The following SGCZ variants were observed in gnomAD, a reference collection of about 807,000 sequenced individuals.
SGCZ encodes the protein sarcoglycan zeta.
In SGCZ, 40 loss-of-function variants were observed where a neutral mutation model predicts 41.3. The observed-to-expected ratio is 0.97, with a 90% CI of 0.75 to 1.26. The LOEUF is 1.26. Ranked by LOEUF, SGCZ falls within the 50% of genes most tolerant of loss-of-function variation. The pLI is 0.00. For synonymous variants in SGCZ, 206 were observed against 137.5 expected (o/e 1.50, Z -3.49); for missense variants, 552 against 369.8 (o/e 1.49, Z -4.04).
chr8:14,775,525 A>G (rs1446445900), intron 1 of SGCZ, among the ~76,000 whole-genome samples: 1 of 151,586 alleles, frequency 6.6e-6, no homozygotes, highest in African/African-American at 2.4e-5. Flanking sequence ...AGAGATCATG[A>G]GGAAAGGTAT....
intron 1 of SGCZ, among the ~76,000 whole-genome samples, chr8:15,236,680 T>TA (rs199600753): frequency 0.018 from 2,802 of 151,540 alleles, 91 homozygotes; most frequent in African/African-American, 0.062. Context: ...AATATATATA[T>TA]TTTTTTTTCT....
At chr8:14,110,367 C>T (rs2117008567) in intron 5 of SGCZ, among the ~76,000 whole-genome samples, 1 of 152,142 alleles carries the variant, frequency 6.6e-6, no homozygotes, top group African/African-American at 2.4e-5. Context: ...GTAATATTTA[C>T]TTTCAAATAC....
intron 3 of SGCZ, among the ~76,000 whole-genome samples, chr8:14,298,690 C>G (rs111868654): frequency 7.2e-5 from 11 of 151,880 alleles, no homozygotes; most frequent in African/African-American, 2.7e-4. Context: ...TTATTGAAGC[C>G]TAATTACATG....
intron 2 of SGCZ, among the ~76,000 whole-genome samples, chr8:14,402,741 C>G (rs1005019125): frequency 2.7e-5 from 4 of 146,992 alleles, no homozygotes; most frequent in Admixed American, 1.3e-4. Context: ...CAGCTTTGTT[C>G]TTTTGGCTTA....
intron 4 of SGCZ, among the ~76,000 whole-genome samples, chr8:14,192,087 A>G (rs899255798): frequency 1.3e-5 from 2 of 152,270 alleles, no homozygotes; most frequent in East Asian, 3.9e-4. Flanking sequence ...TGTATTTAAA[A>G]TCAAAGCACA....
intron 1 of SGCZ, among the ~76,000 whole-genome samples, chr8:15,196,506 C>A (rs1800735820): frequency 6.6e-6 from 1 of 152,110 alleles, no homozygotes; most frequent in African/African-American, 2.4e-5. Context: ...TATTATACTC[C>A]ATTAGGTTAA....
At chr8:14,870,130 A>G (rs891244625) in intron 1 of SGCZ, among the ~76,000 whole-genome samples, 2 of 152,166 alleles carry the variant, frequency 1.3e-5, no homozygotes, top group Non-Finnish European at 2.9e-5. Context: ...AAACAATCCT[A>G]AGGAAAAAAG....
At chr8:14,977,578 A>C (rs1313083990) in intron 1 of SGCZ, among the ~76,000 whole-genome samples, 2 of 152,124 alleles carry the variant, frequency 1.3e-5, no homozygotes, top group Admixed American at 6.6e-5. Flanking sequence ...AATCACCTTA[A>C]TCCTAGTAAC....
chr8:14,151,482 G>C (rs1010277950), intron 5 of SGCZ, among the ~76,000 whole-genome samples: 4 of 151,908 alleles, frequency 2.6e-5, no homozygotes, highest in Admixed American at 6.6e-5. Flanking sequence ...TTATAGATCA[G>C]AGGATTCAAT....
chr8:14,473,898 A>G (rs1392928192), intron 2 of SGCZ, among the ~76,000 whole-genome samples: 1 of 151,128 alleles, frequency 6.6e-6, no homozygotes, highest in African/African-American at 2.4e-5. Flanking sequence ...AGATCACACC[A>G]CTGCACTCCA....
intron 2 of SGCZ, among the ~76,000 whole-genome samples, chr8:14,425,381 G>A (rs1799751097): frequency 6.6e-6 from 1 of 152,106 alleles, no homozygotes; most frequent in Admixed American, 6.5e-5. Flanking sequence ...AGCACTTTGG[G>A]AGGCCGAGGC....
intron 1 of SGCZ, among the ~76,000 whole-genome samples, chr8:14,558,584 G>GAGAGAGAGAGAGAGAGAC (rs1804106209): frequency 7.0e-6 from 1 of 142,572 alleles, no homozygotes; most frequent in East Asian, 2.4e-4. Flanking sequence ...TAGAGAGAGA[G>GAGAGAGAGAGAGAGAGAC]AGAGAGAGAG....
chr8:14,578,951 G>T (rs995257865), intron 1 of SGCZ, among the ~76,000 whole-genome samples: 16 of 151,986 alleles, frequency 1.1e-4, no homozygotes, highest in Admixed American at 1.3e-4. Flanking sequence ...TTTACTTTAG[G>T]ATCTAGGAAG....
chr8:15,048,274 T>G (rs1434611493), intron 1 of SGCZ, among the ~76,000 whole-genome samples: 2 of 151,798 alleles, frequency 1.3e-5, no homozygotes, highest in Admixed American at 6.6e-5. Flanking sequence ...GGGAGCTAGA[T>G]AAGTGGATCC....
chr8:14,604,453 A>C (rs1383905353), intron 1 of SGCZ, among the ~76,000 whole-genome samples: 2 of 152,158 alleles, frequency 1.3e-5, no homozygotes, highest in Admixed American at 6.5e-5. Context: ...AGAGCTTGAA[A>C]TATGTATTCA....
intron 1 of SGCZ, among the ~76,000 whole-genome samples, chr8:14,702,968 G>T (rs946716336): frequency 8.0e-5 from 9 of 112,396 alleles, no homozygotes; most frequent in Non-Finnish European, 1.3e-4. Context: ...TAGATAGATA[G>T]ATAGACAGAC....
At chr8:14,230,108 A>G (rs1472776512) in intron 4 of SGCZ, among the ~76,000 whole-genome samples, 4 of 152,124 alleles carry the variant, frequency 2.6e-5, no homozygotes, top group Admixed American at 6.6e-5. Flanking sequence ...ATCAGATGGC[A>G]TTTTGTCAGG....
chr8:14,576,845 T>G (rs902324741), intron 1 of SGCZ, among the ~76,000 whole-genome samples: 7 of 152,158 alleles, frequency 4.6e-5, no homozygotes, highest in African/African-American at 1.7e-4. Flanking sequence ...TTTGGGTTTA[T>G]AAGAGAGAAT....
Position 14,182,286 on chromosome 8 carries a change from C to A in SGCZ, c.425-17584G>T, listed in dbSNP as rs370274107. ...CTGAAGGCTGTGCAGTGAGCCAAGG[C>A]CATGATGCCCAGCCGAGCAGCAGGT... On this transcript the variant is annotated intron_variant, in intron 4 of 7. Coordinates refer to ENST00000382080, the MANE Select transcript of SGCZ (RefSeq NM_139167.4). Among the ~76,000 whole-genome samples, 9 of 152,268 alleles carry A rather than the reference C, an allele frequency of 5.9e-5. No individual in the cohort carries two copies. The East Asian group carries it at 1.2e-3, about 20-fold the overall frequency.
Sources: gnomAD v4.1 joint callset for allele counts (sites outside exome capture counted in the v4.1 genomes callset) on GRCh38, gnomAD v4.1.1 for gene constraint, MANE v1.5 for transcripts, NCBI Gene and HGNC (gene_info 2026-07-23, HGNC 2026-07-21) for gene names.